The following MARCHF11 variants were observed in gnomAD, a reference collection of about 807,000 sequenced individuals.
The protein encoded by MARCHF11 is E3 ubiquitin-protein ligase MARCHF11.
A neutral mutation model predicts 37.3 loss-of-function variants in MARCHF11; 29 were observed. The observed-to-expected ratio is 0.78, with a 90% confidence interval of 0.58 to 1.06. The LOEUF (loss-of-function observed/expected upper bound fraction) is 1.06. Ranked by LOEUF, MARCHF11 falls within the 50% of genes least tolerant of loss-of-function variation. The pLI is 0.00. For synonymous variants in MARCHF11, 233 were observed against 228.0 expected (o/e 1.02, Z -0.20); for missense variants, 482 against 533.4 (o/e 0.90, Z 0.95).
intron 2 of MARCHF11, among the ~76,000 whole-genome samples, chr5:16,106,012 C>A (rs1466902269): frequency 1.3e-5 from 2 of 152,182 alleles, no homozygotes; most frequent in African/African-American, 4.8e-5. Flanking sequence ...CCAAACAACA[C>A]TGCATGTCGA....
At chr5:16,167,649 G>A (rs956354677) in intron 2 of MARCHF11, among the ~76,000 whole-genome samples, 2 of 152,046 alleles carry the variant, frequency 1.3e-5, no homozygotes. Flanking sequence ...GGCTCCCCAT[G>A]ATACATAAAA....
intron 2 of MARCHF11, among the ~76,000 whole-genome samples, chr5:16,095,424 G>A (rs1440186444): frequency 6.9e-6 from 1 of 144,274 alleles, no homozygotes; most frequent in Non-Finnish European, 1.5e-5. Context: ...AAGGGATGGA[G>A]GGCGATTAAG....
intron 2 of MARCHF11, among the ~76,000 whole-genome samples, chr5:16,119,634 C>A (rs1421060794): frequency 3.3e-5 from 5 of 150,682 alleles, no homozygotes; most frequent in East Asian, 3.9e-4. Context: ...TAATTGGAAG[C>A]CTTATAGGTT....
chr5:16,090,322 G>A (rs1252218240), intron 3 of MARCHF11, among the ~76,000 whole-genome samples: 1 of 152,178 alleles, frequency 6.6e-6, no homozygotes, highest in Non-Finnish European at 1.5e-5. Context: ...TAGCTAAAAT[G>A]TTCGATACTT....
intron 2 of MARCHF11, among the ~76,000 whole-genome samples, chr5:16,122,511 T>G (rs1737327501): frequency 6.6e-6 from 1 of 152,232 alleles, no homozygotes. Flanking sequence ...CAACAAATGT[T>G]AACAGTGTAC....
At chr5:16,104,335 C>T (rs1024360734) in intron 2 of MARCHF11, among the ~76,000 whole-genome samples, 16 of 152,054 alleles carry the variant, frequency 1.1e-4, no homozygotes, top group African/African-American at 3.4e-4. Context: ...TAACAAAAAG[C>T]CCTTAAAACA....
rs185892036 is a variant in MARCHF11, at chr5:16,076,294, C to G, written c.887-8501G>C. Among the ~76,000 whole-genome samples, 138 of 151,226 alleles carry G rather than the reference C, an allele frequency of 9.1e-4. 2 individuals are homozygous for G. Among genetic ancestry groups the G allele is most frequent in the Non-Finnish European group, 1.8e-3 (119 of 67,986 alleles). Reference sequence around the variant, plus strand: ...AAAAAATATGGTATATCTTTTTTATCATTTTTTTTAAATGGATTAACAGAA... The same window carrying G: ...AAAAAATATGGTATATCTTTTTTATGATTTTTTTTAAATGGATTAACAGAA... On this transcript the variant is annotated intron_variant, in intron 3 of 3. Transcript: ENST00000332432.
At chr5:16,081,268 A>C (rs1396779263) in intron 3 of MARCHF11, among the ~76,000 whole-genome samples, 1 of 152,174 alleles carries the variant, frequency 6.6e-6, no homozygotes, top group Non-Finnish European at 1.5e-5. Flanking sequence ...GGGCTCCACA[A>C]ACCTTTTCTG....
chr5:16,071,402 C>G (rs79080742), intron 3 of MARCHF11, among the ~76,000 whole-genome samples: 5,228 of 152,126 alleles, frequency 0.034, 255 homozygotes, highest in African/African-American at 0.11. Context: ...TTTAACTGGA[C>G]CATCACCTTA....
At chr5:16,153,812 T>C (rs1220372435) in intron 2 of MARCHF11, among the ~76,000 whole-genome samples, 3 of 151,972 alleles carry the variant, frequency 2.0e-5, no homozygotes, top group East Asian at 1.9e-4. Flanking sequence ...TATGACTAGG[T>C]TGTGGTCCAT....
chr5:16,158,214 C>T (rs565247429), intron 2 of MARCHF11, among the ~76,000 whole-genome samples: 1 of 152,024 alleles, frequency 6.6e-6, no homozygotes, highest in East Asian at 1.9e-4. Context: ...AGCACTCACA[C>T]ACTGTTAGTG....
intron 2 of MARCHF11, among the ~76,000 whole-genome samples, chr5:16,155,937 A>G (rs1285825263): frequency 6.6e-6 from 1 of 151,930 alleles, no homozygotes; most frequent in Non-Finnish European, 1.5e-5. Flanking sequence ...ACTCCCGAGC[A>G]TACTCGTAAC....
chr5:16,116,614 A>G (rs1250072702), intron 2 of MARCHF11, among the ~76,000 whole-genome samples: 1 of 152,170 alleles, frequency 6.6e-6, no homozygotes, highest in Non-Finnish European at 1.5e-5. Context: ...TGACTTTAGA[A>G]AAATTAATCT....
At chr5:16,097,877 G>A (rs567659446) in intron 2 of MARCHF11, among the ~76,000 whole-genome samples, 18 of 152,156 alleles carry the variant, frequency 1.2e-4, no homozygotes, top group Admixed American at 5.9e-4. Flanking sequence ...TGACAAAAAC[G>A]TTATAAGAAA....
chr5:16,102,912 G>A (rs942183004), intron 2 of MARCHF11, among the ~76,000 whole-genome samples: 5 of 152,166 alleles, frequency 3.3e-5, no homozygotes, highest in Non-Finnish European at 5.9e-5. Flanking sequence ...GGCTGATTAA[G>A]GGAGCCACCC....
intron 2 of MARCHF11, among the ~76,000 whole-genome samples, chr5:16,131,914 G>C (rs1451467993): frequency 6.6e-6 from 1 of 152,244 alleles, no homozygotes; most frequent in Non-Finnish European, 1.5e-5. Context: ...CAATAATTAA[G>C]TAGCAGGTGC....
intron 3 of MARCHF11, among the ~76,000 whole-genome samples, chr5:16,076,162 G>A (rs1736514448): frequency 6.6e-6 from 1 of 152,148 alleles, no homozygotes; most frequent in South Asian, 2.1e-4. Flanking sequence ...AAAATTCCTT[G>A]TAGATGGGAG....
intron 2 of MARCHF11, among the ~76,000 whole-genome samples, chr5:16,159,745 A>G (rs1264793511): frequency 6.6e-6 from 1 of 151,768 alleles, no homozygotes; most frequent in African/African-American, 2.4e-5. Context: ...TTCTCCATAC[A>G]TCCTCCCATC....
At chr5:16,098,299 G>A (rs1194586137) in intron 2 of MARCHF11, among the ~76,000 whole-genome samples, 1 of 152,154 alleles carries the variant, frequency 6.6e-6, no homozygotes. Context: ...TGCACTGGGT[G>A]TCCTACTCAA....
Sources: allele counts gnomAD v4.1 joint callset (sites outside exome capture counted in the v4.1 genomes callset), GRCh38; gene constraint gnomAD v4.1.1; transcripts MANE v1.5; gene names NCBI Gene and HGNC (gene_info 2026-07-23, HGNC 2026-07-21).